CELSR1: variants seen among roughly 807,000 people sequenced by gnomAD.
CELSR1 encodes the protein cadherin EGF LAG seven-pass G-type receptor 1, also known as adhesion G protein-coupled receptor C1.
A neutral mutation model predicts 249.1 loss-of-function variants in CELSR1; 110 were observed. The ratio of observed to expected loss-of-function variants is 0.44; its 90% confidence interval spans 0.38 to 0.52. CELSR1 has a LOEUF of 0.52. CELSR1 is among the 20% of genes least tolerant of loss of function. CELSR1 has a pLI of 0.00. For synonymous variants in CELSR1, 2,113 were observed against 1,900.0 expected (o/e 1.11, Z -2.92); for missense variants, 4,109 against 4,296.4 (o/e 0.96, Z 1.22).
chr22:46,475,997 G>A (rs992361892), intron 1 of CELSR1, among the ~76,000 whole-genome samples: 5 of 152,064 alleles, frequency 3.3e-5, no homozygotes, highest in African/African-American at 1.2e-4. Flanking sequence ...CCAGCCCAAC[G>A]CCAGCCTAAA....
At chr22:46,377,563 G>A (rs533286084) in intron 23 of CELSR1, 11 of 430,076 alleles carry the variant, frequency 2.6e-5, no homozygotes, top group South Asian at 5.3e-5. Context: ...TGGGAGCCTC[G>A]GACTCTCACT....
At chr22:46,451,174 C>T (rs2079879661) in intron 2 of CELSR1, among the ~76,000 whole-genome samples, 1 of 152,194 alleles carries the variant, frequency 6.6e-6, no homozygotes, top group Admixed American at 6.5e-5. Context: ...TGGAATCCCT[C>T]CTGAGTCACA....
intron 29 of CELSR1, 60 bp from the exon 30 acceptor site, chr22:46,366,540 G>C: frequency 7.5e-7 from 1 of 1,329,042 alleles, no homozygotes. Context: ...ACCACCACGG[G>C]GAATGACTCT....
chr22:46,533,148 G>A (rs1046731215), intron 1 of CELSR1, among the ~76,000 whole-genome samples: 2 of 152,216 alleles, frequency 1.3e-5, no homozygotes, highest in African/African-American at 4.8e-5. Context: ...AACACCGGCT[G>A]CATTATAGGG....
chr22:46,508,509 T>C (rs1289335550), intron 1 of CELSR1, among the ~76,000 whole-genome samples: 1 of 140,044 alleles, frequency 7.1e-6, no homozygotes, highest in Non-Finnish European at 1.5e-5. Flanking sequence ...TTGCTGAGCA[T>C]TTCTCACAGC....
At chr22:46,415,769 CTA>C (rs1291396941) in intron 5 of CELSR1, among the ~76,000 whole-genome samples, 3 of 152,176 alleles carry the variant, frequency 2.0e-5, no homozygotes, top group African/African-American at 7.2e-5. Flanking sequence ...TGCCAGGTGG[CTA>C]TGAGTGATAA....
intron 24 of CELSR1, among the ~76,000 whole-genome samples, chr22:46,375,536 GCT>G (rs1249218799): frequency 6.8e-6 from 1 of 147,138 alleles, no homozygotes; most frequent in Non-Finnish European, 1.5e-5. Context: ...CTGCTGCCAG[GCT>G]CTTTTTTTTT....
At chr22:46,450,274 G>C (rs2079868289) in intron 2 of CELSR1, among the ~76,000 whole-genome samples, 1 of 152,258 alleles carries the variant, frequency 6.6e-6, no homozygotes, top group African/African-American at 2.4e-5. Context: ...TCCAGCAACA[G>C]AGCTGTGGGG....
At position 46,455,746 on chromosome 22, in the gene CELSR1, C is replaced by T. The variant is rs557376539; in HGVS notation, c.4183+7961G>A. ...AGTGCTGGTGGGCTGTGCCTGCACA[C>T]GCCGCACAGGACGCTAATTCTGTTT... On this transcript the variant is annotated intron_variant, in intron 2 of 34. Coordinates refer to ENST00000674500, the MANE Select transcript of CELSR1 (RefSeq NM_001378328.1). 3.8e-4 allele frequency among the ~76,000 whole-genome samples: 58 copies of T among 152,294 alleles called. 1 individual carries two copies. The South Asian group carries it at 0.01, about 27-fold the overall frequency.
chr22:46,436,587 C>G lies in CELSR1; in HGVS notation c.4407-298G>C, dbSNP rs2079664634. 6.6e-6 allele frequency among the ~76,000 whole-genome samples: 1 copy of G among 152,168 alleles called. No individual in the cohort carries two copies. The highest frequency in any genetic ancestry group is 2.4e-5 in the African/African-American group (1 of 41,440). ...CAAGTACGACCAGCGGCCAGGACAC[C>G]TGTTACTGATGTGTTTGGGCAAAGC... On this transcript the variant is annotated intron_variant, in intron 3 of 34. Transcript: ENST00000674500. The surrounding 1 kb of genome is among the most constrained non-coding windows in gnomAD (Gnocchi z 5.9).
At position 46,468,986 on chromosome 22, in the gene CELSR1, G is replaced by C. The variant is rs750840347; in HGVS notation, c.3545-4641C>G. On this transcript the variant is annotated intron_variant, in intron 1 of 34. Coordinates refer to ENST00000674500, the MANE Select transcript of CELSR1 (RefSeq NM_001378328.1). The surrounding 1 kb of genome is among the most constrained non-coding windows in gnomAD (Gnocchi z 4.5). Reference sequence around the variant, plus strand: ...AGCTACTCGGAAGGCTGAGGCTTGAGAATCGCTTGAACCTGGGAGGCAGAG... The same window carrying C: ...AGCTACTCGGAAGGCTGAGGCTTGACAATCGCTTGAACCTGGGAGGCAGAG... Among the ~76,000 whole-genome samples the C allele has an allele frequency of 6.6e-5, 10 of 152,246 alleles. No individual in the cohort carries two copies. The highest frequency in any genetic ancestry group is 1.3e-4 in the Non-Finnish European group (9 of 68,026).
At position 46,389,157 on chromosome 22, in the gene CELSR1, G is replaced by A. The variant is rs181278525; in HGVS notation, c.6555+133C>T. The A allele has an allele frequency of 1.5e-4, 151 of 1,010,040 alleles. 2 individuals are homozygous for A. The East Asian group carries it at 3.6e-3, about 24-fold the overall frequency. 62.6% of individuals were successfully genotyped at this position (1,010,040 alleles called of 1,614,324 possible). The stretch of plus-strand genomic sequence containing the variant: ...TGCACCCGCCAGGGCTCACATTTGA[G>A]AAATGAGGATGGGGATCCTGGACAC... On this transcript the variant is annotated intron_variant, in intron 18 of 34. Transcript: ENST00000674500.
In CELSR1 at chr22:46,527,551, G is replaced by C. The variant is rs1425244717; in HGVS notation, c.3544+6076C>G. Among the ~76,000 whole-genome samples, 1 of 152,184 alleles carries C rather than the reference G, an allele frequency of 6.6e-6. No homozygotes were observed. The highest frequency in any genetic ancestry group is 1.5e-5 in the Non-Finnish European group (1 of 68,036). Reference sequence around the variant, plus strand: ...CTGAGCTCAGCCCCCTTGCTCATCGGATGGTCCATCTCCACCCAGCCGCAG... The same window carrying C: ...CTGAGCTCAGCCCCCTTGCTCATCGCATGGTCCATCTCCACCCAGCCGCAG... On this transcript the variant is annotated intron_variant, in intron 1 of 34. Transcript: ENST00000674500. This position sits in a 1 kb window ranked among gnomAD's most constrained non-coding sequence, Gnocchi z 5.5.
intron 22 of CELSR1, 22 bp from the exon 23 acceptor site, chr22:46,378,739 G>A (rs1295846740): frequency 1.2e-6 from 2 of 1,608,346 alleles, no homozygotes; most frequent in African/African-American, 1.3e-5. Flanking sequence ...ACAGAGAAGG[G>A]GCAGGGGTAA....
At position 46,362,401 on chromosome 22, in the gene CELSR1, C is replaced by T. The variant is rs1398075433; in HGVS notation, c.*822G>A. ...GGCAGATGGCAGCAGAGGACAAACGCACACACAGCGAACACTGGGGACCCA... is the reference window on the plus strand; with the variant it reads ...GGCAGATGGCAGCAGAGGACAAACGTACACACAGCGAACACTGGGGACCCA... On this transcript the variant is annotated 3_prime_UTR_variant, in exon 35 of 35. Transcript: ENST00000674500. 1 of 152,642 alleles carries T rather than the reference C, an allele frequency of 6.6e-6. No homozygotes were observed. Among genetic ancestry groups the T allele is most frequent in the Non-Finnish European group, 1.5e-5 (1 of 68,218 alleles). The allele number at this position is 152,642 out of a possible 1,614,324, so 9.5% of individuals were successfully genotyped here.
intron 12 of CELSR1, among the ~76,000 whole-genome samples, chr22:46,397,277 CTTTTTTTTTTT>C (rs528088887): frequency 1.7e-4 from 13 of 78,748 alleles, no homozygotes; most frequent in East Asian, 3.3e-4. Context: ...CTAATTTTTG[CTTTTTTTTTTT>C]TTTTTTTTTT....
intron 5 of CELSR1, among the ~76,000 whole-genome samples, chr22:46,420,637 A>G (rs536548216): frequency 1.3e-3 from 194 of 152,282 alleles, no homozygotes; most frequent in African/African-American, 4.4e-3. Context: ...CTCACCTTGC[A>G]CACAGTCTTG....
At chr22:46,389,617 A>G (rs1032404384) in intron 17 of CELSR1, 118 bp from the exon 18 acceptor site, 18 of 1,114,456 alleles carry the variant, frequency 1.6e-5, no homozygotes, top group Non-Finnish European at 2.2e-5. Context: ...AAGGAACTTT[A>G]AAAAATCCAA....
intron 33 of CELSR1, 37 bp from the exon 34 acceptor site, chr22:46,364,288 G>T: frequency 1.9e-6 from 3 of 1,596,082 alleles, no homozygotes; most frequent in South Asian, 2.2e-5. Context: ...AAGTCCGGGT[G>T]ATGCTGCCGG....
Sources: gnomAD v4.1 joint callset for allele counts (sites outside exome capture counted in the v4.1 genomes callset) on GRCh38, gnomAD v4.1.1 for gene constraint, Gnocchi (gnomAD v3.1) non-coding constraint, MANE v1.5 for transcripts, NCBI Gene and HGNC (gene_info 2026-07-23, HGNC 2026-07-21) for gene names.